The following TRIO variants were observed in gnomAD, a reference collection of about 807,000 sequenced individuals.
TRIO encodes the protein trio Rho guanine nucleotide exchange factor, also known as triple functional domain protein.
TRIO carries 58 observed loss-of-function variants against 351.9 expected under a neutral mutation model. That is an observed-to-expected ratio of 0.16 (90% CI 0.13 to 0.21). The LOEUF (loss-of-function observed/expected upper bound fraction) is 0.21, where lower values mean the gene tolerates loss of function less well. Among genes scored for constraint, TRIO ranks in the 10% least tolerant of loss-of-function variants. The probability of loss-of-function intolerance (pLI) is 1.00; values close to 1 mark genes in which losing one functional copy is unlikely to be tolerated. For synonymous variants in TRIO, 1,758 were observed against 1,595.7 expected (o/e 1.10, Z -2.42); for missense variants, 3,201 against 4,027.8 (o/e 0.79, Z 5.56).
chr5:14,488,361 C>G (rs1339019900), intron 48 of TRIO, 101 bp downstream of exon 48: 5 of 1,459,696 alleles, frequency 3.4e-6, no homozygotes, highest in Admixed American at 2.3e-5. Flanking sequence ...CTGCCCAGCG[C>G]TCTCCGCCGC....
rs144418034 is a variant in TRIO, at chr5:14,205,144, G to A, written c.157+61262G>A. ...TGTCTTAAATCATTAACTATTGCCC[G>A]AAAAATCCACAGAACATCGTTGTGT... is the stretch of plus-strand genomic sequence containing the variant. On this transcript the variant is annotated intron_variant, in intron 1 of 56. Transcript: ENST00000344204. Among the ~76,000 whole-genome samples, 145 of 152,294 alleles carry A rather than the reference G, an allele frequency of 9.5e-4. 1 individual carries two copies. In the South Asian group the frequency reaches 0.015, roughly 16 times the overall value.
intron 1 of TRIO, among the ~76,000 whole-genome samples, chr5:14,156,983 G>A (rs945713557): frequency 6.6e-6 from 1 of 152,172 alleles, no homozygotes; most frequent in Non-Finnish European, 1.5e-5. Flanking sequence ...CCTGTTGTGG[G>A]AAAAACAGTT....
rs896167277 is a variant in TRIO at position 14,504,819 on chromosome 5, T to G, written c.8612+226T>G. 7 of 586,112 alleles carry G rather than the reference T, an allele frequency of 1.2e-5. No homozygotes were observed. The African/African-American group carries it at 1.3e-4, about 11-fold the overall frequency. The allele number at this position is 586,112 out of a possible 1,614,324, so 36.3% of individuals were successfully genotyped here. ...TTGCCTGATGAAGGGCAGTCACTGC[T>G]GGGATGGAACACCTGATATGCTCAG... On this transcript the variant is annotated intron_variant, in intron 55 of 56. Coordinates refer to ENST00000344204, the MANE Select transcript of TRIO (RefSeq NM_007118.4).
intron 29 of TRIO, 119 bp downstream of exon 29, chr5:14,397,273 C>T: frequency 2.7e-6 from 2 of 747,558 alleles, no homozygotes; most frequent in South Asian, 1.9e-5. Flanking sequence ...TGGTTAAGAA[C>T]ATTTCTTAAA....
chr5:14,465,693 T>C, intron 37 of TRIO, 53 bp downstream of exon 37: 3 of 1,587,582 alleles, frequency 1.9e-6, no homozygotes, highest in South Asian at 2.2e-5. Flanking sequence ...GTGTTGCTAC[T>C]TGCAGATGGA....
At chr5:14,503,532 G>A (rs1305909596) in intron 54 of TRIO, among the ~76,000 whole-genome samples, 1 of 152,208 alleles carries the variant, frequency 6.6e-6, no homozygotes, top group Non-Finnish European at 1.5e-5. Flanking sequence ...CGTTGTCTGG[G>A]ACACTGGCCT....
At chr5:14,436,334 A>C (rs62345053) in intron 34 of TRIO, among the ~76,000 whole-genome samples, 7,181 of 152,214 alleles carry the variant, frequency 0.047, 187 homozygotes, top group Admixed American at 0.058. Context: ...CAAGTACAGC[A>C]CGGGAAAAAC....
chr5:14,163,112 A>G (rs2152121409), intron 1 of TRIO, among the ~76,000 whole-genome samples: 1 of 152,310 alleles, frequency 6.6e-6, no homozygotes, highest in Non-Finnish European at 1.5e-5. Flanking sequence ...CTCATCGTCT[A>G]GGTTTTAAGC....
At position 14,446,757 on chromosome 5, in the gene TRIO, CTT is replaced by C. The variant is rs35962612; in HGVS notation, c.5204-14259_5204-14258del. Among the ~76,000 whole-genome samples, 1,068 of 152,184 alleles carry C rather than the reference CTT, an allele frequency of 7.0e-3. 12 individuals carry two copies. Among genetic ancestry groups the C allele is most frequent in the African/African-American group, 0.024 (998 of 41,498 alleles). ...AAAAGGAATTCCTAATTGGTTACAGCTTTTGTTTCTTTGTTTTTGAATTAACC... is the reference window on the plus strand; with the variant it reads ...AAAAGGAATTCCTAATTGGTTACAGCTTGTTTCTTTGTTTTTGAATTAACC... On this transcript the variant is annotated intron_variant, in intron 34 of 56. Transcript: ENST00000344204.
intron 1 of TRIO, among the ~76,000 whole-genome samples, chr5:14,203,511 A>G (rs1465846450): frequency 6.6e-6 from 1 of 152,248 alleles, no homozygotes; most frequent in Non-Finnish European, 1.5e-5. Flanking sequence ...GTACTTAATA[A>G]TGAAATAAGC....
chr5:14,321,909 C>G (rs900588852), intron 9 of TRIO, among the ~76,000 whole-genome samples: 1 of 152,178 alleles, frequency 6.6e-6, no homozygotes, highest in African/African-American at 2.4e-5. Flanking sequence ...GTAAGACATG[C>G]CTTTGCTTCT....
intron 1 of TRIO, among the ~76,000 whole-genome samples, chr5:14,187,034 C>A (rs1790162815): frequency 6.6e-6 from 1 of 152,004 alleles, no homozygotes; most frequent in Non-Finnish European, 1.5e-5. Context: ...CTTGGTAATA[C>A]CAAGATATGT....
intron 56 of TRIO, 63 bp from the exon 57 acceptor site, chr5:14,507,817 C>T (rs569800014): frequency 1.7e-5 from 26 of 1,552,936 alleles, no homozygotes; most frequent in Non-Finnish European, 2.2e-5. Context: ...GAGTCCCGCC[C>T]ATCATCACGA....
At chr5:14,381,569 C>G (rs1038274021) in intron 21 of TRIO, among the ~76,000 whole-genome samples, 1 of 152,146 alleles carries the variant, frequency 6.6e-6, no homozygotes, top group Non-Finnish European at 1.5e-5. Context: ...TGAGGACTTG[C>G]TATTTTTATG....
chr5:14,450,209 G>C (rs1228209158), intron 34 of TRIO, among the ~76,000 whole-genome samples: 1 of 152,236 alleles, frequency 6.6e-6, no homozygotes, highest in African/African-American at 2.4e-5. Flanking sequence ...GAGTGGTGAT[G>C]AGGCCATTCT....
chr5:14,339,413 G>T (rs1741732291), intron 11 of TRIO, among the ~76,000 whole-genome samples: 1 of 152,196 alleles, frequency 6.6e-6, no homozygotes, highest in Non-Finnish European at 1.5e-5. Context: ...TGTTTTCATT[G>T]ACTTACACAA....
intron 11 of TRIO, among the ~76,000 whole-genome samples, chr5:14,349,282 G>A (rs1742805626): frequency 6.8e-6 from 1 of 147,656 alleles, no homozygotes; most frequent in South Asian, 2.1e-4. Flanking sequence ...GTGTATGTGT[G>A]TACGCACGTG....
intron 8 of TRIO, among the ~76,000 whole-genome samples, chr5:14,308,235 A>G (rs1352394252): frequency 6.6e-6 from 1 of 152,032 alleles, no homozygotes; most frequent in Non-Finnish European, 1.5e-5. Context: ...TCACCCATCC[A>G]TCCGTCTATC....
rs555721017 is a variant in TRIO, at chr5:14,307,052, C to G, written c.1500+2460C>G. Among the ~76,000 whole-genome samples, 6 of 152,304 alleles carry G rather than the reference C, an allele frequency of 3.9e-5. No individual in the cohort carries two copies. The South Asian group carries it at 1.0e-3, about 26-fold the overall frequency. ...GAACTGGATGAACTGAAAGGATTTT[C>G]AGTAGAACAGAATGAATTATTTTGC... On this transcript the variant is annotated intron_variant, in intron 8 of 56. Transcript: ENST00000344204.
Sources: allele counts gnomAD v4.1 joint callset (sites outside exome capture counted in the v4.1 genomes callset), GRCh38; gene constraint gnomAD v4.1.1; transcripts MANE v1.5; gene names NCBI Gene and HGNC (gene_info 2026-07-23, HGNC 2026-07-21).